CDH18: variants seen among roughly 807,000 people sequenced by gnomAD.
CDH18 encodes cadherin-18.
A neutral mutation model predicts 67.9 loss-of-function variants in CDH18; 31 were observed. That is an observed-to-expected ratio of 0.46 (90% CI 0.34 to 0.62). The LOEUF (loss-of-function observed/expected upper bound fraction) is 0.62. Ranked by LOEUF, CDH18 falls within the 20% of genes least tolerant of loss-of-function variation. The pLI is 0.01. For missense variants in CDH18, 890 were observed against 975.5 expected (o/e 0.91, Z 1.17); for synonymous variants, 362 against 347.2 (o/e 1.04, Z -0.48).
intron 9 of CDH18, among the ~76,000 whole-genome samples, chr5:19,526,723 T>C (rs1309528692): frequency 1.3e-5 from 2 of 152,094 alleles, no homozygotes; most frequent in Non-Finnish European, 2.9e-5. Flanking sequence ...ATTTGGTAGA[T>C]TTCTAATCTG....
chr5:19,621,063 T>G (rs1236772566), intron 5 of CDH18, among the ~76,000 whole-genome samples: 4 of 152,152 alleles, frequency 2.6e-5, no homozygotes, highest in Non-Finnish European at 5.9e-5. Flanking sequence ...CTGTAGACTT[T>G]CACAATAGGT....
intron 2 of CDH18, among the ~76,000 whole-genome samples, chr5:20,005,280 T>G (rs541802387): frequency 6.6e-6 from 1 of 152,146 alleles, no homozygotes; most frequent in Non-Finnish European, 1.5e-5. Flanking sequence ...TCTGAACAGA[T>G]GCTTGAATCT....
At chr5:20,318,414 A>G (rs1481105247) in intron 1 of CDH18, among the ~76,000 whole-genome samples, 3 of 152,100 alleles carry the variant, frequency 2.0e-5, no homozygotes, top group Non-Finnish European at 4.4e-5. Context: ...TGTGTCCCCA[A>G]CAAAATCTCA....
intron 2 of CDH18, among the ~76,000 whole-genome samples, chr5:20,208,560 A>T (rs1371573125): frequency 1.3e-5 from 2 of 152,040 alleles, no homozygotes; most frequent in East Asian, 1.9e-4. Flanking sequence ...CACTGTATTA[A>T]AAAAAATGTA....
rs1737691560 is a variant in CDH18, at chr5:19,472,023, G to A, written c.*1203C>T. The stretch of plus-strand genomic sequence containing the variant: ...TTGGACCCTGAACACAGAGACTTTC[G>A]GAAACATATCTGAGGATAATAACTG... On this transcript the variant is annotated 3_prime_UTR_variant, in exon 13 of 13. Coordinates refer to ENST00000382275, the MANE Select transcript of CDH18 (RefSeq NM_004934.5). 6.6e-6 allele frequency among the ~76,000 whole-genome samples: 1 copy of A among 152,002 alleles called. No homozygotes were observed. Among genetic ancestry groups the A allele is most frequent in the Admixed American group, 6.6e-5 (1 of 15,242 alleles).
chr5:19,748,644 A>G (rs1770443278), intron 3 of CDH18, among the ~76,000 whole-genome samples: 1 of 152,160 alleles, frequency 6.6e-6, no homozygotes, highest in Admixed American at 6.5e-5. Context: ...CATTGAAAAA[A>G]CACAACTTTG....
intron 2 of CDH18, among the ~76,000 whole-genome samples, chr5:20,120,732 T>G (rs1748284168): frequency 6.6e-6 from 1 of 152,156 alleles, no homozygotes; most frequent in African/African-American, 2.4e-5. Flanking sequence ...CTTAAATTGT[T>G]TTGAAAAAAT....
At chr5:20,346,660 C>A (rs1740725677) in intron 1 of CDH18, among the ~76,000 whole-genome samples, 1 of 152,092 alleles carries the variant, frequency 6.6e-6, no homozygotes, top group South Asian at 2.1e-4. Flanking sequence ...CTCTAGATGG[C>A]TCTTTACAAA....
chr5:20,108,626 T>TACTA (rs1225515620), intron 2 of CDH18, among the ~76,000 whole-genome samples: 1 of 152,094 alleles, frequency 6.6e-6, no homozygotes, highest in Non-Finnish European at 1.5e-5. Flanking sequence ...TCCGCCTCCC[T>TACTA]ACTAACCACA....
rs916887806 is a variant in CDH18 at position 19,552,118 on chromosome 5, T to C, written c.1254-8113A>G. 5.3e-5 allele frequency among the ~76,000 whole-genome samples: 8 copies of C among 152,158 alleles called. No homozygotes were observed. The South Asian group carries it at 8.3e-4, about 16-fold the overall frequency. On this transcript the variant is annotated intron_variant, in intron 8 of 12. Transcript: ENST00000382275. Reference sequence around the variant, plus strand: ...TGTCTTACCTATCCAGGCCAGTATGTTTTCATATCTAGATAAGATATTTAT... The same window carrying C: ...TGTCTTACCTATCCAGGCCAGTATGCTTTCATATCTAGATAAGATATTTAT...
Position 19,559,377 on chromosome 5 carries a change from A to C in CDH18, c.1253+12202T>G, listed in dbSNP as rs1340051481. The stretch of plus-strand genomic sequence containing the variant: ...ATGCAGGTATGGTTTAATATCCACG[A>C]GTCAATAAATGTGGTACACCACATA... On this transcript the variant is annotated intron_variant, in intron 8 of 12. Transcript: ENST00000382275. 2.0e-5 allele frequency among the ~76,000 whole-genome samples: 3 copies of C among 152,208 alleles called. No individual in the cohort carries two copies. In the East Asian group the frequency reaches 5.8e-4, roughly 29 times the overall value.
chr5:19,777,006 T>C (rs1003498206), intron 3 of CDH18, among the ~76,000 whole-genome samples: 1 of 152,016 alleles, frequency 6.6e-6, no homozygotes, highest in Non-Finnish European at 1.5e-5. Context: ...AAAATGCAAA[T>C]ATATGGCTCA....
chr5:19,752,278 G>A (rs1031843028), intron 3 of CDH18, among the ~76,000 whole-genome samples: 5 of 152,174 alleles, frequency 3.3e-5, no homozygotes, highest in South Asian at 2.1e-4. Context: ...CGGGTTAGCC[G>A]GCGGTAAGTC....
intron 2 of CDH18, among the ~76,000 whole-genome samples, chr5:19,953,847 T>A (rs1054082632): frequency 1.3e-5 from 2 of 152,034 alleles, no homozygotes; most frequent in Admixed American, 1.3e-4. Context: ...TTTCTGTGTG[T>A]TATCTGTATG....
At chr5:20,123,020 TTATA>T (rs991801395) in intron 2 of CDH18, among the ~76,000 whole-genome samples, 2 of 148,222 alleles carry the variant, frequency 1.3e-5, no homozygotes, top group African/African-American at 2.4e-5. Context: ...ATATAAGCTA[TTATA>T]TATATAAATA....
rs577183340 is a variant in CDH18, at chr5:20,473,289, C to G, written c.-580+102173G>C. On this transcript the variant is annotated intron_variant, in intron 1 of 14. Coordinates refer to the CDH18 transcript ENST00000507958. The stretch of plus-strand genomic sequence containing the variant: ...AGTTACTCGTGCTCAGTAACTCAAA[C>G]TGTTAACATTTCAACTTACATCTTT... 4.6e-5 allele frequency among the ~76,000 whole-genome samples: 7 copies of G among 152,232 alleles called. No homozygotes were observed. In the East Asian group the frequency reaches 1.3e-3, roughly 29 times the overall value.
Position 19,839,174 on chromosome 5 carries a change from G to T in CDH18, c.-188C>A. ...TCATATTTACATTCTGAACCACTTG[G>T]AAAATCAAAGCCGTAGTTGTCTGAT... is the stretch of plus-strand genomic sequence containing the variant. On this transcript the variant is annotated 5_prime_UTR_variant, in exon 3 of 13. Coordinates refer to ENST00000382275, the MANE Select transcript of CDH18 (RefSeq NM_004934.5). 1.8e-6 allele frequency: 1 copy of T among 548,232 alleles called. No homozygotes were observed. Among genetic ancestry groups the T allele is most frequent in the South Asian group, 2.5e-5 (1 of 39,660 alleles). 34.0% of individuals were successfully genotyped at this position (548,232 alleles called of 1,614,324 possible). A position where few individuals can be genotyped will look rare whatever the true frequency, so the allele number is the denominator to read the frequency against.
intron 4 of CDH18, among the ~76,000 whole-genome samples, chr5:19,723,554 C>A (rs1019437718): frequency 2.6e-5 from 4 of 152,120 alleles, no homozygotes; most frequent in Non-Finnish European, 5.9e-5. Flanking sequence ...ACAGACCAAT[C>A]AAATAGTATG....
rs115085658 is a variant in CDH18, at chr5:19,939,429, C to A, written c.-257+41631G>T. Among the ~76,000 whole-genome samples, 1,505 of 151,708 alleles carry A rather than the reference C, an allele frequency of 9.9e-3. 26 individuals carry two copies. The highest frequency in any genetic ancestry group is 0.034 in the African/African-American group (1,428 of 41,512). ...CTTTTATTATATACTTATTTAATTT[C>A]TAAAAATGTCTATTTTTGAAATTAT... On this transcript the variant is annotated intron_variant, in intron 2 of 12. Coordinates refer to ENST00000382275, the MANE Select transcript of CDH18 (RefSeq NM_004934.5).
Sources: allele counts gnomAD v4.1 joint callset (sites outside exome capture counted in the v4.1 genomes callset), GRCh38; gene constraint gnomAD v4.1.1; transcripts MANE v1.5; gene names NCBI Gene and HGNC (gene_info 2026-07-23, HGNC 2026-07-21).